The following RHBDD1 variants were observed in gnomAD, a reference collection of about 807,000 sequenced individuals.
RHBDD1 encodes the protein rhomboid domain containing 1, also known as rhomboid-related protein 4.
In RHBDD1, 38 loss-of-function variants were observed where a neutral mutation model predicts 36.3. The ratio of observed to expected loss-of-function variants is 1.05; its 90% confidence interval spans 0.81 to 1.37. The LOEUF (loss-of-function observed/expected upper bound fraction) is 1.37, where lower values mean the gene tolerates loss of function less well. RHBDD1 is among the 40% of genes most tolerant of loss of function. RHBDD1 has a pLI of 0.00. For synonymous variants in RHBDD1, 151 were observed against 136.5 expected, an observed-to-expected ratio of 1.11 and a Z score of -0.74; for missense variants, 393 against 377.6, an observed-to-expected ratio of 1.04 and a Z score of -0.34.
intron 8 of RHBDD1, among the ~76,000 whole-genome samples, chr2:226,932,778 C>T (rs988674513): frequency 6.6e-6 from 1 of 151,908 alleles, no homozygotes; most frequent in African/African-American, 2.4e-5. Flanking sequence ...TGTTCTTGCC[C>T]CTCCCCCGGA....
chr2:226,817,696 G>A, the RHBDD1 span, among the ~76,000 whole-genome samples: 1 of 152,292 alleles, frequency 6.6e-6, no homozygotes, highest in East Asian at 1.9e-4. Flanking sequence ...AGAAGTTAAG[G>A]CTGGCAGTTA....
intron 5 of RHBDD1, among the ~76,000 whole-genome samples, chr2:226,884,325 T>C (rs1235717061): frequency 1.3e-5 from 2 of 152,120 alleles, no homozygotes; most frequent in Non-Finnish European, 2.9e-5. Flanking sequence ...GTTGGGGCTA[T>C]GAGTTGAAAT....
intron 3 of RHBDD1, among the ~76,000 whole-genome samples, chr2:226,857,153 A>G (rs982547189): frequency 6.6e-6 from 1 of 151,912 alleles, no homozygotes; most frequent in Admixed American, 6.6e-5. Context: ...GCCTGTGAAC[A>G]TGTGTGTGTT....
chr2:226,854,761 A>G (rs917602454), intron 3 of RHBDD1, among the ~76,000 whole-genome samples: 17 of 152,264 alleles, frequency 1.1e-4, no homozygotes, highest in African/African-American at 4.1e-4. Flanking sequence ...TTCCATAAAG[A>G]GTATCACTAC....
chr2:226,831,356 C>A (rs1434287153), upstream of RHBDD1, among the ~76,000 whole-genome samples: 1 of 152,108 alleles, frequency 6.6e-6, no homozygotes. Flanking sequence ...AAGCCCTAAC[C>A]CCCAGTACCT....
At chr2:226,900,186 G>A (rs1057334851) in intron 5 of RHBDD1, among the ~76,000 whole-genome samples, 2 of 152,146 alleles carry the variant, frequency 1.3e-5, no homozygotes, top group Non-Finnish European at 2.9e-5. Context: ...GGCGCTTAAA[G>A]GTACTTGGAA....
Position 226,864,706 on chromosome 2 carries a change from T to G in RHBDD1, c.13T>G (p.Ser5Ala). The change falls in exon 4 of 9, where the codon TCA becomes GCA. Residue 5 changes from serine (S) to alanine (A), a missense_variant. Physicochemically the swap from Ser to Ala is moderately conservative, Grantham distance 99. Coordinates refer to ENST00000392062, the MANE Select transcript of RHBDD1 (RefSeq NM_001167608.3). Reference sequence around the variant, plus strand: ...CTGATATCTGGCCATGCAACGGAGATCAAGAGGGATAAATACTGGACTTAT... The same window carrying G: ...CTGATATCTGGCCATGCAACGGAGAGCAAGAGGGATAAATACTGGACTTAT... MQRR[S>A]RGINTGLILL... 6.2e-7 allele frequency: 1 copy of G among 1,613,836 alleles called. No homozygotes were observed. The highest frequency in any genetic ancestry group is 8.5e-7 in the Non-Finnish European group (1 of 1,179,806).
At chr2:226,907,992 A>G (rs1019693442) in intron 6 of RHBDD1, among the ~76,000 whole-genome samples, 2 of 152,132 alleles carry the variant, frequency 1.3e-5, no homozygotes, top group African/African-American at 2.4e-5. Flanking sequence ...TTTTGCAGAC[A>G]TGTTATGAAA....
chr2:226,929,916 A>C (rs562837747), intron 8 of RHBDD1, among the ~76,000 whole-genome samples: 2 of 152,034 alleles, frequency 1.3e-5, no homozygotes, highest in Admixed American at 6.6e-5. Flanking sequence ...AAACAAAACA[A>C]AAAACAAAAC....
intron 8 of RHBDD1, among the ~76,000 whole-genome samples, chr2:226,970,066 C>T (rs1290621457): frequency 1.4e-5 from 2 of 147,510 alleles, no homozygotes; most frequent in African/African-American, 2.5e-5. Context: ...GCCCTCTCCC[C>T]CCGCATTCCT....
intron 2 of RHBDD1, 87 bp downstream of exon 2, chr2:226,838,241 G>T (rs1044452265): frequency 2.6e-5 from 4 of 152,206 alleles, no homozygotes; most frequent in African/African-American, 9.6e-5. Context: ...GATATTGAGA[G>T]AGTTTTCAGA....
At chr2:226,859,195 T>C (rs769946912) in intron 3 of RHBDD1, among the ~76,000 whole-genome samples, 1 of 152,186 alleles carries the variant, frequency 6.6e-6, no homozygotes, top group African/African-American at 2.4e-5. Flanking sequence ...GCCCTCCACA[T>C]ACATGGATTC....
At chr2:226,913,490 CA>C (rs1559264425) in intron 7 of RHBDD1, among the ~76,000 whole-genome samples, 1 of 152,134 alleles carries the variant, frequency 6.6e-6, no homozygotes, top group African/African-American at 2.4e-5. Flanking sequence ...CTGAAAAGAT[CA>C]ATGGAAATAT....
chr2:226,881,059 T>C (rs751160916), intron 5 of RHBDD1, among the ~76,000 whole-genome samples: 2 of 152,118 alleles, frequency 1.3e-5, no homozygotes, highest in Non-Finnish European at 1.5e-5. Flanking sequence ...AGGAAACTTA[T>C]AATCATGGTG....
chr2:226,958,885 C>T (rs986551529), intron 8 of RHBDD1, among the ~76,000 whole-genome samples: 11 of 152,100 alleles, frequency 7.2e-5, no homozygotes, highest in African/African-American at 2.7e-4. Context: ...AGACATAAGA[C>T]ATTTTTTCTT....
intron 8 of RHBDD1, among the ~76,000 whole-genome samples, chr2:226,949,580 G>C (rs1259955470): frequency 6.6e-6 from 1 of 152,094 alleles, no homozygotes; most frequent in Non-Finnish European, 1.5e-5. Context: ...CTTTCATATT[G>C]TATTGGTAGG....
chr2:226,914,079 T>A (rs1948719743), intron 7 of RHBDD1, 129 bp from the exon 8 acceptor site: 1 of 824,138 alleles, frequency 1.2e-6, no homozygotes, highest in African/African-American at 1.7e-5. Context: ...CATCTTTTCT[T>A]ATTTTGAGGA....
the RHBDD1 span, chr2:226,807,557 C>G: frequency 6.6e-6 from 1 of 152,102 alleles, no homozygotes. Flanking sequence ...ATGTTCCATG[C>G]AGAGGAAATG....
intron 5 of RHBDD1, chr2:226,867,809 C>G (rs563201855): frequency 2.2e-4 from 66 of 296,282 alleles, no homozygotes; most frequent in Non-Finnish European, 3.0e-4. Flanking sequence ...ACCTCCACCC[C>G]CTGGGTTCAA....
Sources: gnomAD v4.1 joint callset for allele counts (sites outside exome capture counted in the v4.1 genomes callset) on GRCh38, gnomAD v4.1.1 for gene constraint, MANE v1.5 for transcripts, NCBI Gene and HGNC (gene_info 2026-07-23, HGNC 2026-07-21) for gene names.